The following BSN variants were observed in gnomAD, a reference collection of about 807,000 sequenced individuals.
The protein encoded by BSN is protein bassoon.
In BSN, 57 loss-of-function variants were observed where a neutral mutation model predicts 264.8. The ratio of observed to expected loss-of-function variants is 0.22; its 90% CI spans 0.17 to 0.27. The LOEUF is 0.27. BSN is among the 10% of genes least tolerant of loss of function. The pLI is 1.00. For missense variants in BSN, 4,615 were observed against 5,232.5 expected (o/e 0.88, Z 3.64); for synonymous variants, 2,059 against 2,137.3 (o/e 0.96, Z 1.01).
rs1482132302 is a variant in BSN at position 49,654,909 on chromosome 3, C to T, written c.5353C>T (p.Pro1785Ser). The T allele has an allele frequency of 1.9e-6, 3 of 1,612,532 alleles. No individual in the cohort carries two copies. The highest frequency in any genetic ancestry group is 2.2e-5 in the East Asian group (1 of 44,844). Residue 1785 changes from proline to serine, a missense_variant, in exon 5 of 12, where the codon CCA becomes TCA. By Grantham distance (74) the Pro-to-Ser change is moderately conservative. This residue lies in a region of BSN where 3,415 missense variants were observed against 3,866.4 expected (regional missense o/e 0.88). Coordinates refer to ENST00000296452, the MANE Select transcript of BSN (RefSeq NM_003458.4). The surrounding 1 kb of genome is among the most constrained non-coding windows in gnomAD (Gnocchi z 4.1). ...KQVEQAVQTA[P>S]YRSGPRGRPR... ...AGTAGAGCAGGCTGTCCAGACAGCC[C>T]CATACCGAAGTGGGCCCCGGGGAAG... is the stretch of plus-strand genomic sequence containing the variant.
At chr3:49,626,828 G>A (rs553454233) in intron 2 of BSN, among the ~76,000 whole-genome samples, 1 of 152,316 alleles carries the variant, frequency 6.6e-6, no homozygotes, top group South Asian at 2.1e-4. Flanking sequence ...GGTGGGTGGG[G>A]ATAAGGAAGA....
intron 10 of BSN, 57 bp downstream of exon 10, chr3:49,664,910 GT>G (rs2108100796): frequency 7.3e-7 from 1 of 1,368,938 alleles, no homozygotes; most frequent in South Asian, 1.2e-5. Context: ...GGCACTGGGG[GT>G]GGGGGTGGGG....
chr3:49,582,342 A>G (rs969627812), intron 1 of BSN, among the ~76,000 whole-genome samples: 1 of 152,122 alleles, frequency 6.6e-6, no homozygotes, highest in Non-Finnish European at 1.5e-5. Flanking sequence ...TGTGTTGCCC[A>G]GGCTGGAGTT....
rs143794367 is a variant in BSN, at chr3:49,625,131, G to T, written c.381G>T (p.Arg127Ser). 3.5e-5 allele frequency: 56 copies of T among 1,596,474 alleles called. No individual in the cohort carries two copies. Among genetic ancestry groups the T allele is most frequent in the Middle Eastern group, 3.3e-4 (2 of 6,014 alleles). ...PAGQEADGPR[R>S]TLQVDSRTQR... ...GCCAGGAGGCTGATGGTCCCCGCAG[G>T]ACGCTGCAGGTAGACAGCAGGACAC... The change falls in exon 2 of 12, where the codon AGG becomes AGT. Residue 127 changes from arginine (R) to serine (S), a missense_variant. Physicochemically the swap from Arg to Ser is moderately radical, Grantham distance 110 (BLOSUM62 -1). This residue lies in a region of BSN where 1,197 missense variants were observed against 1,348.0 expected (regional missense o/e 0.89). Coordinates refer to ENST00000296452, the MANE Select transcript of BSN (RefSeq NM_003458.4). This position sits in a 1 kb window ranked among gnomAD's most constrained non-coding sequence, Gnocchi z 4.4.
At position 49,642,554 on chromosome 3, in the gene BSN, C is replaced by G. The variant is rs1482331856; in HGVS notation, c.920C>G (p.Pro307Arg). 1.2e-6 allele frequency: 2 copies of G among 1,601,350 alleles called. No homozygotes were observed. The highest frequency in any genetic ancestry group is 1.7e-6 in the Non-Finnish European group (2 of 1,172,444). Residue 307 changes from proline to arginine, a missense_variant, in exon 3 of 12, where the codon CCT becomes CGT. Transcript: ENST00000296452. This position sits in a 1 kb window ranked among gnomAD's most constrained non-coding sequence, Gnocchi z 7.0. ...PEVGRVSPQP[P>R]QPTKPSTAEP... Reference sequence around the variant, plus strand: ...GTGGGGAGGGTGTCTCCTCAGCCCCCTCAACCCACCAAGCCTTCCACAGCT... The same window carrying G: ...GTGGGGAGGGTGTCTCCTCAGCCCCGTCAACCCACCAAGCCTTCCACAGCT...
At chr3:49,605,001 T>C (rs1229457580) in intron 1 of BSN, among the ~76,000 whole-genome samples, 1 of 151,602 alleles carries the variant, frequency 6.6e-6, no homozygotes, top group Non-Finnish European at 1.5e-5. Context: ...AGCTCACGCC[T>C]GTAATCCCAG....
In BSN at chr3:49,658,060, G is replaced by A. The variant is rs147846190; in HGVS notation, c.8504G>A (p.Arg2835His). 2.0e-4 allele frequency: 328 copies of A among 1,613,198 alleles called. No homozygotes were observed. Among genetic ancestry groups the A allele is most frequent in the Non-Finnish European group, 2.6e-4 (301 of 1,179,952 alleles). ...QKHFTADSAL[R>H]QQTLPRPMKT... ...CACTTCACGGCTGACAGCGCTCTCCGCCAGCAGACGCTGCCTCGCCCCATG... is the reference window on the plus strand; with the variant it reads ...CACTTCACGGCTGACAGCGCTCTCCACCAGCAGACGCTGCCTCGCCCCATG... The change falls in exon 5 of 12, where the codon CGC becomes CAC. Residue 2835 changes from arginine (R) to histidine (H), a missense_variant. Around this residue, in one of 3 missense-constraint regions of BSN, gnomAD observed 3,415 missense variants for 3,866.4 expected, o/e 0.88. Coordinates refer to ENST00000296452, the MANE Select transcript of BSN (RefSeq NM_003458.4).
chr3:49,574,005 A>G (rs2051819850), intron 1 of BSN, among the ~76,000 whole-genome samples: 1 of 152,080 alleles, frequency 6.6e-6, no homozygotes, highest in Non-Finnish European at 1.5e-5. Context: ...GCTGGAGTGC[A>G]GTGGTGCAGT....
intron 1 of BSN, among the ~76,000 whole-genome samples, chr3:49,588,679 C>T (rs2051953984): frequency 6.6e-6 from 1 of 152,090 alleles, no homozygotes; most frequent in Admixed American, 6.6e-5. Flanking sequence ...GATTTCTTCT[C>T]TGACCCATGA....
At chr3:49,666,215 C>A (rs1559620826) in intron 11 of BSN, among the ~76,000 whole-genome samples, 1 of 152,238 alleles carries the variant, frequency 6.6e-6, no homozygotes, top group East Asian at 1.9e-4. Flanking sequence ...GAGCAGGTCA[C>A]TTCAAGGGAG....
rs776126625 is a variant in BSN at position 49,655,632 on chromosome 3, G to A, written c.6076G>A (p.Gly2026Ser). The change falls in exon 5 of 12, where the codon GGC (glycine) becomes AGC (serine). Residue 2026 changes from glycine (G) to serine (S), a missense_variant. Coordinates refer to ENST00000296452, the MANE Select transcript of BSN (RefSeq NM_003458.4). ...LSSLKHSYSL[G>S]FADGRYLGQG... ...CTCACTGAAGCACTCCTACAGCCTGGGCTTTGCGGATGGACGCTACCTAGG... is the reference window on the plus strand; with the variant it reads ...CTCACTGAAGCACTCCTACAGCCTGAGCTTTGCGGATGGACGCTACCTAGG... 1.2e-6 allele frequency: 2 copies of A among 1,613,742 alleles called. No homozygotes were observed. Among genetic ancestry groups the A allele is most frequent in the South Asian group, 2.2e-5 (2 of 91,086 alleles).
At chr3:49,618,219 A>T (rs1350595567) in intron 1 of BSN, among the ~76,000 whole-genome samples, 5 of 151,942 alleles carry the variant, frequency 3.3e-5, no homozygotes, top group Non-Finnish European at 5.9e-5. Context: ...AATGTCTCTT[A>T]CCCCCTACCC....
At chr3:49,576,376 CT>C (rs2051845630) in intron 1 of BSN, among the ~76,000 whole-genome samples, 1 of 151,594 alleles carries the variant, frequency 6.6e-6, no homozygotes, top group Admixed American at 6.6e-5. Flanking sequence ...CTGTTTCTTC[CT>C]TGGTAAGAGG....
Position 49,650,653 on chromosome 3 carries a change from A to G in BSN, c.1560A>G (p.Leu520=), listed in dbSNP as rs1450147534. Residue 520 remains leucine, a synonymous_variant, in exon 4 of 12, where the codon CTA becomes CTG. Coordinates refer to ENST00000296452, the MANE Select transcript of BSN (RefSeq NM_003458.4). ...WLCLNCQTKR[L]LEGSLGEPTP... ...GTCTGAACTGCCAAACCAAGCGGCT[A>G]CTGGAGGGCAGCCTAGGAGAGCCGA... The G allele has an allele frequency of 5.7e-5, 91 of 1,608,822 alleles. No homozygotes were observed. Among genetic ancestry groups the G allele is most frequent in the Non-Finnish European group, 7.6e-5 (90 of 1,178,646 alleles).
At chr3:49,662,823 T>TC in intron 6 of BSN, 53 bp from the exon 7 acceptor site, 1 of 1,509,600 alleles carries the variant, frequency 6.6e-7, no homozygotes, top group Non-Finnish European at 8.9e-7. Context: ...CAGCTAGGCC[T>TC]CCCCCTGCGG....
rs2052688234 is a variant in BSN at position 49,663,862 on chromosome 3, C to T, written c.11584C>T (p.Pro3862Ser). The T allele has an allele frequency of 1.2e-6, 2 of 1,613,914 alleles. No homozygotes were observed. Among genetic ancestry groups the T allele is most frequent in the Admixed American group, 1.7e-5 (1 of 60,008 alleles). The change falls in exon 8 of 12, where the codon CCA (proline) becomes TCA (serine). Residue 3862 changes from proline (P) to serine (S), a missense_variant. This residue lies in a region of BSN where 3,415 missense variants were observed against 3,866.4 expected (regional missense o/e 0.88). Coordinates refer to ENST00000296452, the MANE Select transcript of BSN (RefSeq NM_003458.4). ...PQQGRAPQAQ[P>S]APGPGPAGVK... Reference sequence around the variant, plus strand: ...ACAGGGGAGGGCTCCTCAGGCCCAGCCAGCACCAGGACCTGGACCTGCAGG... The same window carrying T: ...ACAGGGGAGGGCTCCTCAGGCCCAGTCAGCACCAGGACCTGGACCTGCAGG...
rs748949991 is a variant in BSN, at chr3:49,661,834, G to A, written c.9989G>A (p.Arg3330Gln). ...GACAGTGACTACAGGCATGGGGCTC[G>A]AGTAGAGAAGTATGGTCCAGGGCCC... ...YGDSDYRHGA[R>Q]VEKYGPGPMG... is the part of the protein sequence containing the mutation. The change falls in exon 6 of 12, where the codon CGA becomes CAA. Residue 3330 changes from arginine (R) to glutamine (Q), a missense_variant. Arg to Gln is a conservative substitution (Grantham distance 43, BLOSUM62 1). Coordinates refer to ENST00000296452, the MANE Select transcript of BSN (RefSeq NM_003458.4). The A allele has an allele frequency of 3.7e-6, 6 of 1,613,390 alleles. No individual in the cohort carries two copies. Among genetic ancestry groups the A allele is most frequent in the East Asian group, 2.2e-5 (1 of 44,894 alleles).
chr3:49,588,500 A>C (rs150350500), intron 1 of BSN, among the ~76,000 whole-genome samples: 1,751 of 152,134 alleles, frequency 0.012, 33 homozygotes, highest in Non-Finnish European at 0.012. Context: ...AGGGATGTTG[A>C]ATTTTTTCAA....
rs1474112271 is a variant in BSN, at chr3:49,664,654, CAG to C, written c.11740+105_11740+106del. The C allele has an allele frequency of 5.2e-6, 8 of 1,541,618 alleles. No individual in the cohort carries two copies. The East Asian group carries it at 1.6e-4, about 30-fold the overall frequency. On this transcript the variant is annotated intron_variant, in intron 9 of 11. Transcript: ENST00000296452. The stretch of plus-strand genomic sequence containing the variant: ...CTCAGTCACCCAGGCAGAGGCCAGC[CAG>C]AGAGCCCACCTGCTGATGCCCAGTT...
Sources: allele counts gnomAD v4.1 joint callset (sites outside exome capture counted in the v4.1 genomes callset), GRCh38; gene constraint gnomAD v4.1.1; regional missense constraint gnomAD v4.1.1; non-coding constraint Gnocchi (gnomAD v3.1); transcripts MANE v1.5; gene names NCBI Gene and HGNC (gene_info 2026-07-23, HGNC 2026-07-21).